The following CADM2 variants were observed in gnomAD, a reference collection of about 807,000 sequenced individuals.
CADM2 encodes the protein cell adhesion molecule 2.
A neutral mutation model predicts 49.8 loss-of-function variants in CADM2; 12 were observed. The observed-to-expected ratio is 0.24, with a 90% CI of 0.15 to 0.39. The LOEUF is 0.39. Among genes scored for constraint, CADM2 ranks in the 10% least tolerant of loss-of-function variants. The pLI is 1.00. For missense variants in CADM2, 378 were observed against 492.3 expected (o/e 0.77, Z 2.20); for synonymous variants, 214 against 175.4 (o/e 1.22, Z -1.74).
intron 1 of CADM2, among the ~76,000 whole-genome samples, chr3:85,560,577 G>A (rs189710455): frequency 2.6e-5 from 4 of 152,318 alleles, no homozygotes; most frequent in East Asian, 1.9e-4. Context: ...AAAAGTCAAC[G>A]CTAAAACTGA....
intron 6 of CADM2, among the ~76,000 whole-genome samples, chr3:85,913,453 T>C (rs2108484482): frequency 6.6e-6 from 1 of 152,346 alleles, no homozygotes; most frequent in African/African-American, 2.4e-5. Flanking sequence ...TTGTGTGTGA[T>C]ATGCAATTAC....
chr3:85,028,371 A>C (rs1472606341), intron 1 of CADM2, among the ~76,000 whole-genome samples: 3 of 152,164 alleles, frequency 2.0e-5, no homozygotes, highest in Non-Finnish European at 4.4e-5. Context: ...ATGCATGACA[A>C]GTGTCAGGCT....
chr3:85,502,524 C>A (rs2040161444), intron 1 of CADM2, among the ~76,000 whole-genome samples: 1 of 151,902 alleles, frequency 6.6e-6, no homozygotes, highest in Non-Finnish European at 1.5e-5. Context: ...TCTTTGATAG[C>A]CAATAACTTA....
At chr3:85,359,398 G>A (rs1163686988) in intron 1 of CADM2, among the ~76,000 whole-genome samples, 1 of 151,366 alleles carries the variant, frequency 6.6e-6, no homozygotes, top group East Asian at 1.9e-4. Flanking sequence ...AAGAGGCAGG[G>A]GCAATGTGTA....
chr3:85,256,140 T>C (rs1381149728), intron 1 of CADM2, among the ~76,000 whole-genome samples: 5 of 151,994 alleles, frequency 3.3e-5, no homozygotes, highest in Admixed American at 3.3e-4. Flanking sequence ...CTCCTCTGGG[T>C]TCTCACTGTG....
Position 85,423,165 on chromosome 3 carries a change from C to T in CADM2, c.62-303357C>T, listed in dbSNP as rs1459414282. On this transcript the variant is annotated intron_variant, in intron 1 of 9. Transcript: ENST00000383699. Reference sequence around the variant, plus strand: ...TCTTCTCAGACCTCCAGACAAACTCCTCTTGATGTTCAGATGCTTTCTCTC... The same window carrying T: ...TCTTCTCAGACCTCCAGACAAACTCTTCTTGATGTTCAGATGCTTTCTCTC... Among the ~76,000 whole-genome samples the T allele has an allele frequency of 2.6e-5, 4 of 152,092 alleles. 1 individual carries two copies. The highest frequency in any genetic ancestry group is 5.9e-5 in the Non-Finnish European group (4 of 68,016).
At chr3:85,204,898 C>A (rs1372964508) in intron 1 of CADM2, among the ~76,000 whole-genome samples, 1 of 151,240 alleles carries the variant, frequency 6.6e-6, no homozygotes, top group Non-Finnish European at 1.5e-5. Context: ...CAGAAAAGAA[C>A]TTATAAAAAT....
intron 1 of CADM2, among the ~76,000 whole-genome samples, chr3:84,987,063 C>A (rs2107161928): frequency 6.6e-6 from 1 of 150,670 alleles, no homozygotes; most frequent in Middle Eastern, 3.4e-3. Context: ...AAAAACAAAA[C>A]AAAACAAAAC....
chr3:85,770,893 C>CAGAT (rs1327703891), intron 2 of CADM2, among the ~76,000 whole-genome samples: 5 of 152,070 alleles, frequency 3.3e-5, no homozygotes, highest in Admixed American at 2.6e-4. Flanking sequence ...TTTCAAAGGG[C>CAGAT]AGATATACAA....
chr3:86,035,800 A>G (rs1735084949), intron 8 of CADM2, among the ~76,000 whole-genome samples: 1 of 152,070 alleles, frequency 6.6e-6, no homozygotes, highest in Non-Finnish European at 1.5e-5. Context: ...AGTTGCTTTA[A>G]TAAAATATGA....
chr3:85,908,783 G>T (rs1159447475), intron 5 of CADM2, among the ~76,000 whole-genome samples: 1 of 151,514 alleles, frequency 6.6e-6, no homozygotes, highest in Non-Finnish European at 1.5e-5. Context: ...GGAGTGCAGG[G>T]GCGTGGTCTC....
chr3:85,077,743 T>G (rs1441787038), intron 1 of CADM2, among the ~76,000 whole-genome samples: 1 of 152,094 alleles, frequency 6.6e-6, no homozygotes, highest in East Asian at 1.9e-4. Context: ...AATTTTGACA[T>G]AAAACTGTAT....
intron 1 of CADM2, among the ~76,000 whole-genome samples, chr3:84,983,924 A>G (rs1481400550): frequency 2.0e-5 from 3 of 152,096 alleles, no homozygotes; most frequent in African/African-American, 7.2e-5. Context: ...CAAGTGTGAT[A>G]TACATAGGTG....
intron 6 of CADM2, among the ~76,000 whole-genome samples, chr3:85,919,106 C>T (rs1009941073): frequency 1.3e-5 from 2 of 151,828 alleles, no homozygotes; most frequent in African/African-American, 4.8e-5. Context: ...AATACTGTAA[C>T]TAAGAACTGA....
At chr3:85,688,672 A>G (rs961274514) in intron 1 of CADM2, among the ~76,000 whole-genome samples, 8 of 151,680 alleles carry the variant, frequency 5.3e-5, no homozygotes, top group African/African-American at 1.9e-4. Flanking sequence ...TGTTCAAACA[A>G]TTCTTCTGCC....
chr3:85,313,289 G>T (rs1397637299), intron 1 of CADM2, among the ~76,000 whole-genome samples: 1 of 152,086 alleles, frequency 6.6e-6, no homozygotes, highest in Non-Finnish European at 1.5e-5. Flanking sequence ...AAATCTAATT[G>T]GTTGACTAAG....
At chr3:86,066,623 C>A in intron 9 of CADM2, 42 bp from the exon 10 acceptor site, 2 of 1,396,886 alleles carry the variant, frequency 1.4e-6, no homozygotes, top group South Asian at 2.3e-5. Context: ...GGTATTTTAC[C>A]AGTCTCACAG....
intron 1 of CADM2, among the ~76,000 whole-genome samples, chr3:85,202,041 C>G (rs555522850): frequency 2.1e-5 from 3 of 143,658 alleles, no homozygotes; most frequent in African/African-American, 7.7e-5. Flanking sequence ...GATCGCACCA[C>G]TGCTCTCCAG....
intron 8 of CADM2, among the ~76,000 whole-genome samples, chr3:86,024,629 A>C (rs1040756357): frequency 2.6e-5 from 4 of 152,178 alleles, no homozygotes; most frequent in African/African-American, 9.7e-5. Flanking sequence ...ACATCTATAA[A>C]AACAATAAAA....
Sources: allele counts gnomAD v4.1 joint callset (sites outside exome capture counted in the v4.1 genomes callset), GRCh38; gene constraint gnomAD v4.1.1; transcripts MANE v1.5; gene names NCBI Gene and HGNC (gene_info 2026-07-23, HGNC 2026-07-21).